ESR2: variants seen among roughly 807,000 people sequenced by gnomAD.
The protein encoded by ESR2 is estrogen receptor 2, also known as estrogen receptor beta.
In ESR2, 36 loss-of-function variants were observed where a neutral mutation model predicts 49.6. The observed-to-expected ratio is 0.73, with a 90% CI of 0.56 to 0.96. The LOEUF is 0.96. Among genes scored for constraint, ESR2 ranks in the 40% least tolerant of loss-of-function variants. The pLI is 0.00. For synonymous variants in ESR2, 320 were observed against 266.1 expected (o/e 1.20, Z -1.97); for missense variants, 714 against 693.0 (o/e 1.03, Z -0.34).
chr14:64,241,145 C>CAAAAAA (rs56347632), intron 7 of ESR2, among the ~76,000 whole-genome samples: 5 of 95,398 alleles, frequency 5.2e-5, no homozygotes, highest in Admixed American at 1.2e-4. Flanking sequence ...GACTCCGTCT[C>CAAAAAA]AAAAAAAAAA....
downstream of ESR2, chr14:64,227,990 C>T (rs527656483): frequency 4.5e-6 from 7 of 1,562,824 alleles, no homozygotes; most frequent in East Asian, 2.3e-5. Context: ...TCCAAATAAT[C>T]GATGCACTGG....
chr14:64,333,010 G>A lies in ESR2; in HGVS notation c.-91+4888C>T, dbSNP rs1433460136. Among the ~76,000 whole-genome samples, 9 of 150,946 alleles carry A rather than the reference G, an allele frequency of 6.0e-5. No individual in the cohort carries two copies. The East Asian group carries it at 1.0e-3, about 17-fold the overall frequency. ...TCCTGCCTCAGCCTCCCGAGTAGCTGGGACTACAGGTGCCCACCACCACGC... is the reference window on the plus strand; with the variant it reads ...TCCTGCCTCAGCCTCCCGAGTAGCTAGGACTACAGGTGCCCACCACCACGC... On this transcript the variant is annotated intron_variant, in intron 1 of 8. Transcript: ENST00000358599.
intron 7 of ESR2, among the ~76,000 whole-genome samples, chr14:64,248,689 C>G (rs899440558): frequency 5.3e-5 from 8 of 152,106 alleles, no homozygotes; most frequent in Non-Finnish European, 4.4e-5. Context: ...ACGAAACCAT[C>G]TGCATATCCT....
intron 6 of ESR2, among the ~76,000 whole-genome samples, chr14:64,251,640 CCTCA>C (rs1366517437): frequency 6.6e-6 from 1 of 152,060 alleles, no homozygotes; most frequent in African/African-American, 2.4e-5. Context: ...AAAGGCTGTC[CCTCA>C]CAGTAATCAG....
At chr14:64,313,675 G>C (rs1005327268) in intron 1 of ESR2, among the ~76,000 whole-genome samples, 1 of 151,686 alleles carries the variant, frequency 6.6e-6, no homozygotes, top group Admixed American at 6.6e-5. Context: ...GGATCACAAG[G>C]TCAGGAGATC....
intron 8 of ESR2, 70 bp from the exon 9 acceptor site, chr14:64,233,393 GCT>G (rs1383746489): frequency 6.8e-7 from 1 of 1,478,798 alleles, no homozygotes; most frequent in East Asian, 2.3e-5. Flanking sequence ...GCCTTCCCCG[GCT>G]CTCTTTGCTC....
At position 64,229,968 on chromosome 14, in the gene ESR2, C is replaced by A. The variant is rs904344523; in HGVS notation, c.*3169G>T. 6.6e-6 allele frequency among the ~76,000 whole-genome samples: 1 copy of A among 152,106 alleles called. No individual in the cohort carries two copies. The highest frequency in any genetic ancestry group is 1.5e-5 in the Non-Finnish European group (1 of 68,034). On this transcript the variant is annotated 3_prime_UTR_variant, in exon 9 of 9. Coordinates refer to ENST00000341099, the MANE Select transcript of ESR2 (RefSeq NM_001437.3). ...CCTTGGCAGGCAGATCGCTGGAGCC[C>A]AGGAGTTCAGGACCAGCCTGGGGAG...
chr14:64,236,740 T>C (rs1206147671), intron 7 of ESR2, among the ~76,000 whole-genome samples: 2 of 152,040 alleles, frequency 1.3e-5, no homozygotes, highest in African/African-American at 4.8e-5. Context: ...TCCAACCTGG[T>C]CAGAAATTCC....
chr14:64,227,322 G>A (rs2098722300), downstream of ESR2: 1 of 604,302 alleles, frequency 1.7e-6, no homozygotes, highest in Non-Finnish European at 2.9e-6. Context: ...ACCATCTGAA[G>A]AGAATCCGTC....
chr14:64,278,421 T>G (rs951837897), intron 3 of ESR2, among the ~76,000 whole-genome samples: 136 of 152,340 alleles, frequency 8.9e-4, no homozygotes, highest in African/African-American at 3.2e-3. Context: ...TCCTGGATTC[T>G]ATCAGTATTT....
At chr14:64,282,328 G>C (rs745371670) in intron 2 of ESR2, among the ~76,000 whole-genome samples, 3 of 151,138 alleles carry the variant, frequency 2.0e-5, no homozygotes, top group African/African-American at 2.5e-5. Flanking sequence ...CTGAGTGACA[G>C]AGCGAGACCC....
intron 1 of ESR2, among the ~76,000 whole-genome samples, chr14:64,310,286 A>AAAAAAAAAAAAAAAAATAAT (rs1555595498): frequency 1.4e-4 from 20 of 142,456 alleles, no homozygotes; most frequent in African/African-American, 5.0e-4. Context: ...TCGTCTCAAA[A>AAAAAAAAAAAAAAAAATAAT]AATAATAATA....
intron 7 of ESR2, among the ~76,000 whole-genome samples, chr14:64,242,727 A>T (rs995408070): frequency 6.6e-6 from 1 of 152,212 alleles, no homozygotes; most frequent in African/African-American, 2.4e-5. Flanking sequence ...CTGGCCTCAC[A>T]GAATGAATTG....
Position 64,249,712 on chromosome 14 carries a change from TAG to T in ESR2, c.1092-35_1092-34del, listed in dbSNP as rs768391614. 3.2e-6 allele frequency: 5 copies of T among 1,580,928 alleles called. No individual in the cohort carries two copies. The South Asian group carries it at 5.7e-5, about 18-fold the overall frequency. ...AGTTCGTTTGGAAATTTAAGGAACA[TAG>T]CTTCAGGAAACCATCAAAAAAACAA... On this transcript the variant is annotated intron_variant, in intron 6 of 8. Coordinates refer to ENST00000341099, the MANE Select transcript of ESR2 (RefSeq NM_001437.3).
intron 1 of ESR2, among the ~76,000 whole-genome samples, chr14:64,300,399 T>A (rs1257018926): frequency 6.6e-6 from 1 of 152,136 alleles, no homozygotes; most frequent in Non-Finnish European, 1.5e-5. Context: ...CCCTCCCTCA[T>A]CTCAGTCTAA....
intron 1 of ESR2, among the ~76,000 whole-genome samples, chr14:64,325,418 T>C (rs1310669105): frequency 6.6e-6 from 1 of 152,176 alleles, no homozygotes; most frequent in Non-Finnish European, 1.5e-5. Flanking sequence ...ATGAGCAGCA[T>C]AGACTGGATC....
intron 6 of ESR2, among the ~76,000 whole-genome samples, chr14:64,256,952 T>C (rs2076112161): frequency 6.6e-6 from 1 of 152,154 alleles, no homozygotes; most frequent in Admixed American, 6.5e-5. Context: ...CTTATACACA[T>C]AGTGGCCACA....
At chr14:64,319,792 ATG>A in intron 1 of ESR2, among the ~76,000 whole-genome samples, 1 of 152,348 alleles carries the variant, frequency 6.6e-6, no homozygotes, top group Non-Finnish European at 1.5e-5. Flanking sequence ...GCTGGTGAGG[ATG>A]TGAGAGTGAC....
At chr14:64,245,106 T>C (rs1253900943) in intron 7 of ESR2, among the ~76,000 whole-genome samples, 4 of 152,168 alleles carry the variant, frequency 2.6e-5, no homozygotes, top group African/African-American at 4.8e-5. Context: ...TTACAAATCC[T>C]TAAAACCTAG....
Sources: allele counts gnomAD v4.1 joint callset (sites outside exome capture counted in the v4.1 genomes callset), GRCh38; gene constraint gnomAD v4.1.1; transcripts MANE v1.5; gene names NCBI Gene and HGNC (gene_info 2026-07-23, HGNC 2026-07-21).